Variants in TOX observed in about 807,000 individuals in gnomAD.
TOX encodes thymocyte selection-associated high mobility group box protein TOX.
Under a neutral mutation model 53.7 loss-of-function variants are expected in TOX, and 11 were observed. The ratio of observed to expected loss-of-function variants is 0.20; its 90% CI spans 0.13 to 0.34. The LOEUF is 0.34. Ranked by LOEUF, TOX falls within the 10% of genes least tolerant of loss-of-function variation. The pLI, the probability that TOX is intolerant of heterozygous loss-of-function variation, is 1.00. For synonymous variants in TOX, 225 were observed against 245.3 expected (o/e 0.92, Z 0.77); for missense variants, 570 against 664.6 (o/e 0.86, Z 1.56).
chr8:58,951,059 G>A (rs1011561369), intron 2 of TOX, among the ~76,000 whole-genome samples: 4 of 152,110 alleles, frequency 2.6e-5, no homozygotes, highest in African/African-American at 7.2e-5. Context: ...ACACATTGCC[G>A]TTATCTCAAT....
rs183478451 is a variant in TOX, at chr8:58,831,373, C to A, written c.925-4471G>T. ...GGCACCGATGTTATAAAATTAAAAT[C>A]AAAAAGTCATTAAAAATTACGCCTC... On this transcript the variant is annotated intron_variant, in intron 5 of 8. Coordinates refer to ENST00000361421, the MANE Select transcript of TOX (RefSeq NM_014729.3). Among the ~76,000 whole-genome samples the A allele has an allele frequency of 1.8e-4, 28 of 152,196 alleles. No individual in the cohort carries two copies. In the East Asian group the frequency reaches 4.0e-3, roughly 22 times the overall value.
chr8:58,970,593 T>C (rs759054491), intron 1 of TOX, among the ~76,000 whole-genome samples: 9 of 152,226 alleles, frequency 5.9e-5, no homozygotes, highest in Non-Finnish European at 1.2e-4. Flanking sequence ...TCTCTGTGCC[T>C]ATGTCTGTGC....
At chr8:59,007,347 G>T (rs1453830440) in intron 1 of TOX, among the ~76,000 whole-genome samples, 2 of 152,074 alleles carry the variant, frequency 1.3e-5, no homozygotes, top group Non-Finnish European at 2.9e-5. Flanking sequence ...AAAATTGGCA[G>T]GTAAAAAATG....
intron 1 of TOX, among the ~76,000 whole-genome samples, chr8:59,026,259 T>C (rs1433651024): frequency 6.6e-6 from 1 of 152,172 alleles, no homozygotes; most frequent in African/African-American, 2.4e-5. Flanking sequence ...GTCACTGTGA[T>C]GACCTACTTC....
chr8:58,943,766 T>C (rs1041059266), intron 2 of TOX, among the ~76,000 whole-genome samples: 1 of 152,080 alleles, frequency 6.6e-6, no homozygotes, highest in Non-Finnish European at 1.5e-5. Flanking sequence ...TCACATTTTA[T>C]AGTGACATGT....
intron 4 of TOX, among the ~76,000 whole-genome samples, chr8:58,848,502 A>G (rs551446559): frequency 6.6e-6 from 1 of 152,286 alleles, no homozygotes; most frequent in East Asian, 1.9e-4. Context: ...ACAGAAAAGC[A>G]GAAAGTAAAA....
At chr8:59,101,034 A>T (rs1487829333) in intron 1 of TOX, among the ~76,000 whole-genome samples, 1 of 152,210 alleles carries the variant, frequency 6.6e-6, no homozygotes, top group African/African-American at 2.4e-5. Context: ...AAGACTTGAG[A>T]CAGGGCAAGG....
Position 59,040,721 on chromosome 8 carries a change from G to A in TOX, c.102+78165C>T, listed in dbSNP as rs144256375. Reference sequence around the variant, plus strand: ...GACCAAAGCACACTTTGACTAGAAAGTCCAAGGGTAGTTCAGGAAGAATCA... The same window carrying A: ...GACCAAAGCACACTTTGACTAGAAAATCCAAGGGTAGTTCAGGAAGAATCA... On this transcript the variant is annotated intron_variant, in intron 1 of 8. Coordinates refer to ENST00000361421, the MANE Select transcript of TOX (RefSeq NM_014729.3). Among the ~76,000 whole-genome samples, 846 of 152,308 alleles carry A rather than the reference G, an allele frequency of 5.6e-3. 20 individuals are homozygous for A. The highest frequency in any genetic ancestry group is 2.5e-3 in the East Asian group (13 of 5,174).
intron 3 of TOX, among the ~76,000 whole-genome samples, chr8:58,868,140 T>C (rs372783551): frequency 3.3e-5 from 5 of 152,216 alleles, no homozygotes; most frequent in African/African-American, 7.2e-5. Flanking sequence ...AAAGGGCAGT[T>C]CCTCTGCACA....
rs186307949 is a variant in TOX at position 58,990,170 on chromosome 8, C to T, written c.103-30162G>A. ...TTATCAATCACCATTCTTCAGATGGCAAAACTGAGGCACAGAGCAGGTAAA... is the reference window on the plus strand; with the variant it reads ...TTATCAATCACCATTCTTCAGATGGTAAAACTGAGGCACAGAGCAGGTAAA... On this transcript the variant is annotated intron_variant, in intron 1 of 8. Coordinates refer to ENST00000361421, the MANE Select transcript of TOX (RefSeq NM_014729.3). Among the ~76,000 whole-genome samples, 13 of 152,240 alleles carry T rather than the reference C, an allele frequency of 8.5e-5. No homozygotes were observed. The East Asian group carries it at 1.5e-3, about 18-fold the overall frequency.
At chr8:58,899,689 C>A (rs966466362) in intron 3 of TOX, among the ~76,000 whole-genome samples, 11 of 152,190 alleles carry the variant, frequency 7.2e-5, no homozygotes, top group African/African-American at 2.4e-4. Context: ...GCTCTGAAAT[C>A]TGAAACTTTT....
intron 1 of TOX, among the ~76,000 whole-genome samples, chr8:59,079,257 T>C (rs1392838076): frequency 6.6e-6 from 1 of 152,188 alleles, no homozygotes; most frequent in East Asian, 1.9e-4. Context: ...ATTTTAGTTA[T>C]GCAAATATAG....
At chr8:58,919,107 T>C (rs1313519580) in intron 3 of TOX, among the ~76,000 whole-genome samples, 2 of 151,354 alleles carry the variant, frequency 1.3e-5, no homozygotes, top group African/African-American at 4.9e-5. Context: ...GAAGAATCAA[T>C]ATTGTGAAAA....
At chr8:59,080,607 T>C (rs200616489) in intron 1 of TOX, among the ~76,000 whole-genome samples, 2 of 152,200 alleles carry the variant, frequency 1.3e-5, no homozygotes, top group South Asian at 4.1e-4. Flanking sequence ...TAATCTCCAA[T>C]GCTGGAGGTG....
intron 4 of TOX, among the ~76,000 whole-genome samples, chr8:58,848,253 C>T (rs1563369059): frequency 6.6e-6 from 1 of 151,724 alleles, no homozygotes; most frequent in South Asian, 2.1e-4. Context: ...TATAAAATCT[C>T]TAATCTCAAA....
intron 1 of TOX, among the ~76,000 whole-genome samples, chr8:59,106,850 T>C (rs1474450856): frequency 6.6e-6 from 1 of 152,138 alleles, no homozygotes; most frequent in Non-Finnish European, 1.5e-5. Context: ...TTCTAAGAAA[T>C]CATTATGCCC....
At chr8:58,818,797 T>C (rs984051902) in intron 6 of TOX, among the ~76,000 whole-genome samples, 1 of 152,162 alleles carries the variant, frequency 6.6e-6, no homozygotes, top group African/African-American at 2.4e-5. Flanking sequence ...AAACCCTTCC[T>C]GAAGTGATGA....
At chr8:58,867,609 T>C (rs1019569536) in intron 3 of TOX, among the ~76,000 whole-genome samples, 1 of 152,220 alleles carries the variant, frequency 6.6e-6, no homozygotes, top group South Asian at 2.1e-4. Flanking sequence ...CTCTAACATG[T>C]ACATGAATCT....
rs149395398 is a variant in TOX, at chr8:58,994,927, A to G, written c.103-34919T>C. On this transcript the variant is annotated intron_variant, in intron 1 of 8. Transcript: ENST00000361421. ...TCCTTCTCATGGTCTATCCTCTTCC[A>G]TATCGTGATGCCTTCCTTCCATGTA... is the stretch of plus-strand genomic sequence containing the variant. Among the ~76,000 whole-genome samples, 100 of 152,290 alleles carry G rather than the reference A, an allele frequency of 6.6e-4. 1 individual carries two copies. The East Asian group carries it at 0.019, about 29-fold the overall frequency.
Sources: allele counts gnomAD v4.1 joint callset (sites outside exome capture counted in the v4.1 genomes callset), GRCh38; gene constraint gnomAD v4.1.1; transcripts MANE v1.5; gene names NCBI Gene and HGNC (gene_info 2026-07-23, HGNC 2026-07-21).